Variants in DDX60 observed in about 807,000 individuals in gnomAD.
DDX60 encodes the protein DExD/H-box helicase 60.
In DDX60, 165 loss-of-function variants were observed where a neutral mutation model predicts 212.8. The observed-to-expected ratio is 0.78, with a 90% CI of 0.68 to 0.88. The LOEUF (loss-of-function observed/expected upper bound fraction) is 0.88. Ranked by LOEUF, DDX60 falls within the 40% of genes least tolerant of loss-of-function variation. DDX60 has a pLI of 0.00. For missense variants in DDX60, 1,905 were observed against 2,003.9 expected (o/e 0.95, Z 0.94); for synonymous variants, 703 against 685.3 (o/e 1.03, Z -0.40).
intron 25 of DDX60, 67 bp downstream of exon 25, chr4:168,260,798 A>C: frequency 7.2e-7 from 1 of 1,395,008 alleles, no homozygotes; most frequent in Non-Finnish European, 1.0e-6. Context: ...GAGGTTGGGG[A>C]CCTCTGCCTT....
intron 34 of DDX60, among the ~76,000 whole-genome samples, chr4:168,224,918 G>T (rs1026241657): frequency 1.3e-5 from 2 of 151,856 alleles, no homozygotes; most frequent in African/African-American, 4.8e-5. Context: ...TCACCTTTTT[G>T]TATCTATTTT....
chr4:168,261,693 T>C (rs1214506327), intron 24 of DDX60, among the ~76,000 whole-genome samples: 2 of 152,160 alleles, frequency 1.3e-5, no homozygotes, highest in Non-Finnish European at 2.9e-5. Context: ...GTGAGTTCAG[T>C]TTCTCTACTG....
chr4:168,217,110 GA>G, intron 37 of DDX60, 78 bp from the exon 38 acceptor site: 1 of 863,488 alleles, frequency 1.2e-6, no homozygotes, highest in Non-Finnish European at 1.8e-6. Context: ...TGGTTAGGCA[GA>G]AGTAAGGAAA....
intron 22 of DDX60, chr4:168,263,567 C>T (rs943735393): frequency 6.6e-6 from 1 of 152,240 alleles, no homozygotes; most frequent in African/African-American, 2.4e-5. Flanking sequence ...TATCTGGAGG[C>T]AAATCCTCTG....
In DDX60 at chr4:168,246,550, G is replaced by A. The variant is rs773405904; in HGVS notation, c.4032C>T (p.Phe1344=). The change falls in exon 30 of 38, where the codon TTC becomes TTT. Residue 1344 remains phenylalanine (F), a synonymous_variant. Transcript: ENST00000393743. ...MGDVYFFDIP[F]PKIGKLIKSN... ...ATTTTATGAGTTTTCCTATTTTGGG[G>A]AATGGAATATCAAAGAAATATACAT... The A allele has an allele frequency of 6.2e-7, 1 of 1,614,060 alleles. No individual in the cohort carries two copies. The highest frequency in any genetic ancestry group is 1.3e-5 in the African/African-American group (1 of 75,012).
chr4:168,276,842 A>T (rs1481452000), intron 14 of DDX60, among the ~76,000 whole-genome samples: 1 of 152,272 alleles, frequency 6.6e-6, no homozygotes, highest in African/African-American at 2.4e-5. Context: ...AATGTAATAC[A>T]GTTCATACTG....
chr4:168,305,642 T>A (rs1406364360), intron 5 of DDX60, among the ~76,000 whole-genome samples: 1 of 149,144 alleles, frequency 6.7e-6, no homozygotes, highest in East Asian at 1.9e-4. Context: ...TATATTATTA[T>A]AGCTATCATT....
At chr4:168,294,239 C>T (rs663261) in intron 6 of DDX60, among the ~76,000 whole-genome samples, 64,573 of 151,950 alleles carry the variant, frequency 0.42, 14,456 homozygotes, top group African/African-American at 0.59. Flanking sequence ...TAGATCCTCA[C>T]ACCATATGCA....
upstream of DDX60, among the ~76,000 whole-genome samples, chr4:168,323,535 T>A (rs764617536): frequency 3.9e-5 from 6 of 152,208 alleles, no homozygotes; most frequent in Non-Finnish European, 8.8e-5. Context: ...TTCCACTGAA[T>A]GCTTTCTTCA....
intron 8 of DDX60, among the ~76,000 whole-genome samples, chr4:168,288,543 G>A (rs1036355936): frequency 6.6e-5 from 10 of 152,126 alleles, no homozygotes; most frequent in African/African-American, 1.4e-4. Flanking sequence ...TCTTTATCCC[G>A]AATCAAGGAA....
At chr4:168,222,850 C>T (rs908291414) in intron 35 of DDX60, among the ~76,000 whole-genome samples, 1 of 151,980 alleles carries the variant, frequency 6.6e-6, no homozygotes, top group East Asian at 1.9e-4. Flanking sequence ...ATAGCAAAGA[C>T]AAGAAACAAA....
chr4:168,284,533 A>G lies in DDX60; in HGVS notation c.1561+287T>C, dbSNP rs77558677. ...GCTTGAAAGACTATGGTCTCAATAT[A>G]TATGACTCCAAGGAATACATACATT... On this transcript the variant is annotated intron_variant, in intron 12 of 37. Transcript: ENST00000393743. 7.6e-4 allele frequency among the ~76,000 whole-genome samples: 116 copies of G among 152,320 alleles called. 1 individual carries two copies. In the East Asian group the frequency reaches 0.021, roughly 28 times the overall value.
In DDX60 at chr4:168,302,609, T is replaced by G. The variant is rs192199532; in HGVS notation, c.607-193A>C. On this transcript the variant is annotated intron_variant, in intron 5 of 37. Transcript: ENST00000393743. Reference sequence around the variant, plus strand: ...TTGTCTTTGAAAGTTAATTTTTGCCTAGGAATATAGCGTATTTTGTTTTTT... The same window carrying G: ...TTGTCTTTGAAAGTTAATTTTTGCCGAGGAATATAGCGTATTTTGTTTTTT... Among the ~76,000 whole-genome samples, 26 of 152,340 alleles carry G rather than the reference T, an allele frequency of 1.7e-4. 1 individual carries two copies. Among genetic ancestry groups the G allele is most frequent in the Admixed American group, 5.9e-4 (9 of 15,296 alleles).
At chr4:168,316,385 C>A (rs1737380448) in intron 1 of DDX60, among the ~76,000 whole-genome samples, 1 of 151,996 alleles carries the variant, frequency 6.6e-6, no homozygotes, top group Non-Finnish European at 1.5e-5. Context: ...ATATGATAAA[C>A]CTTGACAGTA....
chr4:168,239,648 G>A lies in DDX60; in HGVS notation c.4165-1853C>T, dbSNP rs560320727. Reference sequence around the variant, plus strand: ...AGAATTTAATGTGGTAAGAGAGTGAGGCCATGTATATGTCTCAGGGACGAT... The same window carrying A: ...AGAATTTAATGTGGTAAGAGAGTGAAGCCATGTATATGTCTCAGGGACGAT... On this transcript the variant is annotated intron_variant, in intron 30 of 37. Transcript: ENST00000393743. Among the ~76,000 whole-genome samples, 5 of 152,162 alleles carry A rather than the reference G, an allele frequency of 3.3e-5. 1 individual carries two copies. The South Asian group carries it at 1.0e-3, about 32-fold the overall frequency.
intron 33 of DDX60, among the ~76,000 whole-genome samples, chr4:168,233,109 T>C (rs1733513285): frequency 6.6e-6 from 1 of 151,838 alleles, no homozygotes; most frequent in African/African-American, 2.4e-5. Context: ...ATGAAAAAAA[T>C]GCTTAACATT....
intron 10 of DDX60, among the ~76,000 whole-genome samples, chr4:168,286,370 T>C (rs984246522): frequency 3.5e-4 from 49 of 138,746 alleles, no homozygotes; most frequent in African/African-American, 1.4e-3. Context: ...AGTATTCTCT[T>C]GAGTCCTCCT....
At chr4:168,278,102 T>C (rs1187124222) in intron 14 of DDX60, among the ~76,000 whole-genome samples, 6 of 152,182 alleles carry the variant, frequency 3.9e-5, no homozygotes, top group Non-Finnish European at 8.8e-5. Flanking sequence ...AAATAAGTGA[T>C]GTTGGCAATT....
At chr4:168,222,833 G>A (rs1227958444) in intron 35 of DDX60, among the ~76,000 whole-genome samples, 2 of 152,036 alleles carry the variant, frequency 1.3e-5, no homozygotes, top group Non-Finnish European at 2.9e-5. Flanking sequence ...TAGCAACACT[G>A]TGTGTAATAG....
Sources: allele counts gnomAD v4.1 joint callset (sites outside exome capture counted in the v4.1 genomes callset), GRCh38; gene constraint gnomAD v4.1.1; transcripts MANE v1.5; gene names NCBI Gene and HGNC (gene_info 2026-07-23, HGNC 2026-07-21).